CDH13: variants seen among roughly 807,000 people sequenced by gnomAD.
CDH13 encodes cadherin-13.
CDH13 carries 24 observed loss-of-function variants against 63.8 expected under a neutral mutation model. The ratio of observed to expected loss-of-function variants is 0.38; its 90% CI spans 0.27 to 0.53. The LOEUF (loss-of-function observed/expected upper bound fraction) is 0.53, where lower values mean the gene tolerates loss of function less well. Among genes scored for constraint, CDH13 ranks in the 20% least tolerant of loss-of-function variants. CDH13 has a pLI of 0.85. For missense variants in CDH13, 1,049 were observed against 903.1 expected (o/e 1.16, Z -2.07); for synonymous variants, 503 against 355.3 (o/e 1.42, Z -4.67).
At chr16:83,299,962 T>C (rs1403440044) in intron 5 of CDH13, among the ~76,000 whole-genome samples, 1 of 152,210 alleles carries the variant, frequency 6.6e-6, no homozygotes, top group African/African-American at 2.4e-5. Context: ...ACCTGCAAGC[T>C]CACTTGATTG....
chr16:83,085,934 C>G (rs1037361527), intron 3 of CDH13, among the ~76,000 whole-genome samples: 5 of 152,144 alleles, frequency 3.3e-5, no homozygotes, highest in African/African-American at 9.7e-5. Flanking sequence ...TGAATGGCGT[C>G]ATGAAATACT....
intron 7 of CDH13, among the ~76,000 whole-genome samples, chr16:83,551,679 G>A (rs972492066): frequency 2.6e-5 from 4 of 152,066 alleles, no homozygotes; most frequent in African/African-American, 9.7e-5. Flanking sequence ...TGTCATCTGG[G>A]GACCTTTTTC....
At chr16:83,036,456 T>C (rs1916864833) in intron 3 of CDH13, among the ~76,000 whole-genome samples, 1 of 152,034 alleles carries the variant, frequency 6.6e-6, no homozygotes, top group South Asian at 2.1e-4. Flanking sequence ...AACCTGGAGC[T>C]CTCTGCTTTA....
rs191352237 is a variant in CDH13, at chr16:83,747,927, G to A, written c.1539-181G>A. On this transcript the variant is annotated intron_variant, in intron 10 of 13. Coordinates refer to ENST00000567109, the MANE Select transcript of CDH13 (RefSeq NM_001257.5). ...ACACATGCAAAGTGCTTAACACAAA[G>A]CAGACCCAGAGTCAGTGGCCTCTTG... Among the ~76,000 whole-genome samples the A allele has an allele frequency of 2.1e-3, 314 of 152,092 alleles. 4 individuals are homozygous for A. Among genetic ancestry groups the A allele is most frequent in the Admixed American group, 2.7e-3 (42 of 15,276 alleles).
intron 2 of CDH13, among the ~76,000 whole-genome samples, chr16:82,906,894 T>C (rs1245926970): frequency 6.6e-6 from 1 of 152,154 alleles, no homozygotes; most frequent in Non-Finnish European, 1.5e-5. Flanking sequence ...CATGTGTTTT[T>C]GTAAGGACAC....
At chr16:82,738,759 T>G (rs968258684) in intron 1 of CDH13, among the ~76,000 whole-genome samples, 1 of 152,250 alleles carries the variant, frequency 6.6e-6, no homozygotes, top group African/African-American at 2.4e-5. Context: ...CTGTAGGCAT[T>G]AACTCTCTAT....
chr16:82,989,975 A>G lies in CDH13; in HGVS notation c.158-42035A>G, dbSNP rs537774311. On this transcript the variant is annotated intron_variant, in intron 2 of 13. Coordinates refer to ENST00000567109, the MANE Select transcript of CDH13 (RefSeq NM_001257.5). The stretch of plus-strand genomic sequence containing the variant: ...TTTTTACCAGCTCCCCTCAATAGCC[A>G]TTTCTTGTCTCCAAGGTTTTTTGAA... Among the ~76,000 whole-genome samples, 8 of 151,830 alleles carry G rather than the reference A, an allele frequency of 5.3e-5. No individual in the cohort carries two copies. In the South Asian group the frequency reaches 1.0e-3, roughly 20 times the overall value.
intron 7 of CDH13, among the ~76,000 whole-genome samples, chr16:83,583,051 G>C (rs748590471): frequency 2.0e-5 from 3 of 152,134 alleles, no homozygotes; most frequent in Non-Finnish European, 4.4e-5. Flanking sequence ...TGTCTCTCGT[G>C]GTCCCAGGGA....
chr16:82,837,030 C>T (rs1287468101), intron 1 of CDH13, among the ~76,000 whole-genome samples: 2 of 152,318 alleles, frequency 1.3e-5, no homozygotes, highest in South Asian at 4.1e-4. Context: ...TGGAGCATCT[C>T]ATGATAAAAT....
intron 5 of CDH13, among the ~76,000 whole-genome samples, chr16:83,339,522 A>G (rs2090675457): frequency 6.6e-6 from 1 of 152,128 alleles, no homozygotes; most frequent in Non-Finnish European, 1.5e-5. Flanking sequence ...CTGCACCAAG[A>G]TCCTGCAAAG....
At chr16:82,660,292 G>A (rs895168949) in intron 1 of CDH13, among the ~76,000 whole-genome samples, 4 of 152,132 alleles carry the variant, frequency 2.6e-5, no homozygotes, top group Non-Finnish European at 5.9e-5. Context: ...ATGATCACAC[G>A]TGGGGAGCAT....
intron 7 of CDH13, among the ~76,000 whole-genome samples, chr16:83,559,039 C>T (rs920101002): frequency 1.3e-5 from 2 of 152,104 alleles, no homozygotes; most frequent in African/African-American, 4.8e-5. Context: ...TCCAGGAGTT[C>T]CTGGTGGGAG....
intron 7 of CDH13, among the ~76,000 whole-genome samples, chr16:83,511,335 G>A (rs1016159364): frequency 1.4e-4 from 22 of 152,206 alleles, no homozygotes; most frequent in African/African-American, 5.1e-4. Context: ...AGTGGCAGGT[G>A]CCTGTAACCC....
intron 2 of CDH13, among the ~76,000 whole-genome samples, chr16:82,899,141 T>G (rs2041371469): frequency 6.6e-6 from 1 of 152,192 alleles, no homozygotes; most frequent in Non-Finnish European, 1.5e-5. Context: ...CTTCCTTTAC[T>G]GCAAGCTCAG....
intron 2 of CDH13, among the ~76,000 whole-genome samples, chr16:82,918,246 A>G (rs867836062): frequency 2.0e-4 from 31 of 152,294 alleles, no homozygotes; most frequent in African/African-American, 7.0e-4. Context: ...AGTTGAGAAG[A>G]TTATAAGTGT....
chr16:83,462,357 A>T (rs900949698), intron 6 of CDH13, among the ~76,000 whole-genome samples: 4 of 152,248 alleles, frequency 2.6e-5, no homozygotes, highest in African/African-American at 9.6e-5. Flanking sequence ...TTTCAGTTAT[A>T]TAGTCTCAAG....
At chr16:82,906,666 A>C (rs949000509) in intron 2 of CDH13, among the ~76,000 whole-genome samples, 2 of 152,140 alleles carry the variant, frequency 1.3e-5, no homozygotes, top group African/African-American at 4.8e-5. Context: ...AAAACAACAG[A>C]AATGTGTTTT....
At chr16:82,775,086 G>T (rs981002472) in intron 1 of CDH13, among the ~76,000 whole-genome samples, 2 of 152,198 alleles carry the variant, frequency 1.3e-5, no homozygotes, top group Non-Finnish European at 2.9e-5. Context: ...AACAGGAGAT[G>T]TCTCTACCAC....
intron 8 of CDH13, among the ~76,000 whole-genome samples, chr16:83,623,293 C>T (rs1909980292): frequency 6.6e-6 from 1 of 152,138 alleles, no homozygotes; most frequent in Non-Finnish European, 1.5e-5. Context: ...TCCCCCAAAT[C>T]ACTCCCCAGT....
Sources: allele counts gnomAD v4.1 joint callset (sites outside exome capture counted in the v4.1 genomes callset), GRCh38; gene constraint gnomAD v4.1.1; transcripts MANE v1.5; gene names NCBI Gene and HGNC (gene_info 2026-07-23, HGNC 2026-07-21).